Variants in PPL observed in about 807,000 individuals in gnomAD.
PPL encodes 190 kDa paraneoplastic pemphigus antigen.
In PPL, 198 loss-of-function variants were observed where a neutral mutation model predicts 194.4. The ratio of observed to expected loss-of-function variants is 1.02; its 90% CI spans 0.91 to 1.15. The LOEUF is 1.15. Among genes scored for constraint, PPL ranks in the 50% most tolerant of loss-of-function variants. PPL has a pLI of 0.00. For synonymous variants in PPL, 1,220 were observed against 972.4 expected, an observed-to-expected ratio of 1.25 and a Z score of -4.74; for missense variants, 2,885 against 2,294.8, an observed-to-expected ratio of 1.26 and a Z score of -5.25.
In PPL at chr16:4,884,131, C is replaced by G; in HGVS notation, c.4524G>C (p.Glu1508Asp). The G allele has an allele frequency of 6.2e-7, 1 of 1,613,590 alleles. No homozygotes were observed. The highest frequency in any genetic ancestry group is 8.5e-7 in the Non-Finnish European group (1 of 1,179,994). Residue 1508 changes from glutamate to aspartate, a missense_variant, in exon 22 of 22, where the codon GAG becomes GAC. Physicochemically the swap from Glu to Asp is conservative, Grantham distance 45. Coordinates refer to ENST00000345988, the MANE Select transcript of PPL (RefSeq NM_002705.5). This position sits in a 1 kb window ranked among gnomAD's most constrained non-coding sequence, Gnocchi z 5.7. ...GGATCTCTTGCTCGGTGTCGCCCTT[C>G]TCCACCTGGACACTCTCGGAGAGCA... ...KVVLSESVQV[E>D]KGDTEQEIQR...
At chr16:4,899,639 A>G (rs1020181557) in intron 6 of PPL, among the ~76,000 whole-genome samples, 2 of 152,138 alleles carry the variant, frequency 1.3e-5, no homozygotes, top group South Asian at 2.1e-4. Context: ...CATGCTGGAC[A>G]TGGCTCCAGA....
chr16:4,916,867 C>T (rs945198665), intron 1 of PPL, among the ~76,000 whole-genome samples: 1 of 152,058 alleles, frequency 6.6e-6, no homozygotes, highest in South Asian at 2.1e-4. Context: ...CGGTGACTCA[C>T]GCCTGCAATC....
chr16:4,918,910 G>A (rs563126651), intron 1 of PPL, among the ~76,000 whole-genome samples: 1 of 152,176 alleles, frequency 6.6e-6, no homozygotes, highest in Non-Finnish European at 1.5e-5. Context: ...GGCTGGTCCA[G>A]CTTTTCATCT....
At position 4,885,060 on chromosome 16, in the gene PPL, C is replaced by G. The variant is rs12446946; in HGVS notation, c.3595G>C (p.Glu1199Gln). ...ANLRLELVEQ[E>Q]RKYRGAEEQL... ...TCCTCGGCACCCCGGTACTTTCGCT[C>G]CTGCTCCACAAGCTCCAGGCGGAGG... The change falls in exon 22 of 22, where the codon GAG (glutamate) becomes CAG (glutamine). Residue 1199 changes from glutamate (E) to glutamine (Q), a missense_variant. Coordinates refer to ENST00000345988, the MANE Select transcript of PPL (RefSeq NM_002705.5). The surrounding 1 kb of genome is among the most constrained non-coding windows in gnomAD (Gnocchi z 6.3). 5,968 of 1,613,698 alleles carry G rather than the reference C, an allele frequency of 3.7e-3. 19 individuals are homozygous for G. The highest frequency in any genetic ancestry group is 4.6e-3 in the Admixed American group (276 of 60,026).
chr16:4,893,884 C>A, intron 12 of PPL: 1 of 560,678 alleles, frequency 1.8e-6, no homozygotes, highest in South Asian at 2.3e-5. Context: ...ATAATCACCA[C>A]CAAGATGTTA....
intron 9 of PPL, among the ~76,000 whole-genome samples, chr16:4,897,099 C>T (rs1469317495): frequency 1.3e-5 from 2 of 151,570 alleles, no homozygotes; most frequent in African/African-American, 4.8e-5. Flanking sequence ...CTTTAGGAGG[C>T]CGAGGCGGGA....
At position 4,928,191 on chromosome 16, in the gene PPL, G is replaced by A. The variant is rs1202149238; in HGVS notation, c.62+8793C>T. Among the ~76,000 whole-genome samples, 3 of 152,266 alleles carry A rather than the reference G, an allele frequency of 2.0e-5. No individual in the cohort carries two copies. The South Asian group carries it at 6.2e-4, about 31-fold the overall frequency. On this transcript the variant is annotated intron_variant, in intron 1 of 21. Coordinates refer to ENST00000345988, the MANE Select transcript of PPL (RefSeq NM_002705.5). ...AGAGTCTTGCTCTGTTATTCAGGCTGAAGTGCATTGCTGCACTTCACTCAC... is the reference window on the plus strand; with the variant it reads ...AGAGTCTTGCTCTGTTATTCAGGCTAAAGTGCATTGCTGCACTTCACTCAC...
At position 4,883,165 on chromosome 16, in the gene PPL, A is replaced by G. The variant is rs1468445586; in HGVS notation, c.*219T>C. The G allele has an allele frequency of 1.0e-5, 6 of 585,190 alleles. No homozygotes were observed. Among genetic ancestry groups the G allele is most frequent in the Non-Finnish European group, 1.8e-5 (6 of 334,938 alleles). The allele number at this position is 585,190 out of a possible 1,614,324, so 36.2% of individuals were successfully genotyped here. ...CAGTTGTCCAGTCATTGGAGGATGA[A>G]GTACGTCACTCAGGGTGAATGATGG... is the stretch of plus-strand genomic sequence containing the variant. On this transcript the variant is annotated 3_prime_UTR_variant, in exon 22 of 22. Coordinates refer to ENST00000345988, the MANE Select transcript of PPL (RefSeq NM_002705.5). The surrounding 1 kb of genome is among the most constrained non-coding windows in gnomAD (Gnocchi z 4.8).
intron 1 of PPL, among the ~76,000 whole-genome samples, chr16:4,922,011 G>A (rs916424026): frequency 1.3e-5 from 2 of 151,938 alleles, no homozygotes; most frequent in Non-Finnish European, 2.9e-5. Flanking sequence ...GGTGTCTCGG[G>A]GGACCCTCGC....
At chr16:4,927,161 A>G (rs1422303781) in intron 1 of PPL, among the ~76,000 whole-genome samples, 1 of 152,192 alleles carries the variant, frequency 6.6e-6, no homozygotes, top group Non-Finnish European at 1.5e-5. Context: ...GTGAGATTAC[A>G]AAACACACAC....
At chr16:4,888,929 G>T in intron 19 of PPL, 49 bp downstream of exon 19, 1 of 1,568,648 alleles carries the variant, frequency 6.4e-7, no homozygotes, top group Non-Finnish European at 8.8e-7. Context: ...GGGCACGGTG[G>T]AATAAGACCC....
At chr16:4,896,921 T>C (rs1460569196) in intron 9 of PPL, among the ~76,000 whole-genome samples, 1 of 151,948 alleles carries the variant, frequency 6.6e-6, no homozygotes, top group Non-Finnish European at 1.5e-5. Context: ...AGACATGAGC[T>C]ACCGTGCCCA....
intron 1 of PPL, among the ~76,000 whole-genome samples, chr16:4,915,487 C>T (rs925717049): frequency 6.6e-6 from 1 of 152,234 alleles, no homozygotes; most frequent in Non-Finnish European, 1.5e-5. Flanking sequence ...CATCCTTGCC[C>T]TAAGTCCCCG....
At chr16:4,934,211 C>T (rs577868622) in intron 1 of PPL, among the ~76,000 whole-genome samples, 15 of 152,248 alleles carry the variant, frequency 9.9e-5, no homozygotes, top group African/African-American at 2.9e-4. Flanking sequence ...ATTAGGAACC[C>T]GGGCAACGGG....
chr16:4,893,996 C>G (rs2142347351), intron 12 of PPL, among the ~76,000 whole-genome samples: 1 of 152,312 alleles, frequency 6.6e-6, no homozygotes, highest in Middle Eastern at 3.4e-3. Flanking sequence ...TGGGCACCTA[C>G]TTTGTACCAG....
At chr16:4,910,185 G>C (rs921383047) in intron 2 of PPL, among the ~76,000 whole-genome samples, 3 of 152,186 alleles carry the variant, frequency 2.0e-5, no homozygotes, top group Admixed American at 2.0e-4. Flanking sequence ...GGGAAACTGA[G>C]GCACAGATAG....
In PPL at chr16:4,883,058, T is replaced by C. The variant is rs2088129748; in HGVS notation, c.*326A>G. 3.1e-6 allele frequency: 1 copy of C among 319,180 alleles called. No homozygotes were observed. The highest frequency in any genetic ancestry group is 4.9e-5 in the Admixed American group (1 of 20,412). 19.8% of individuals were successfully genotyped at this position (319,180 alleles called of 1,614,324 possible). A position where few individuals can be genotyped will look rare whatever the true frequency, so the allele number is the denominator to read the frequency against. ...CTTGGCTGCTGTGGTTGGCTTGTCC[T>C]TCAGTGGTTTTCAGATTGTGTGCAG... is the stretch of plus-strand genomic sequence containing the variant. On this transcript the variant is annotated 3_prime_UTR_variant, in exon 22 of 22. Transcript: ENST00000345988. This position sits in a 1 kb window ranked among gnomAD's most constrained non-coding sequence, Gnocchi z 4.8.
rs1389387482 is a variant in PPL, at chr16:4,901,004, A to G, written c.524T>C (p.Val175Ala). 6.2e-7 allele frequency: 1 copy of G among 1,614,034 alleles called. No individual in the cohort carries two copies. The highest frequency in any genetic ancestry group is 1.7e-5 in the Admixed American group (1 of 60,026). Residue 175 changes from valine to alanine, a missense_variant, in exon 5 of 22, where the codon GTC (valine) becomes GCC (alanine). Val to Ala is a moderately conservative substitution (Grantham distance 64, BLOSUM62 0). Coordinates refer to ENST00000345988, the MANE Select transcript of PPL (RefSeq NM_002705.5). ...VEEHNIFHNEVKAIGPHLAKD... is the reference protein window; with the variant it reads ...VEEHNIFHNEAKAIGPHLAKD... ...GGCCAGGTGGGGCCCGATGGCCTTG[A>G]CCTCATTGTGGAAGATGTTATGCTC... is the stretch of plus-strand genomic sequence containing the variant.
rs2088509209 is a variant in PPL, at chr16:4,899,514, C to CAAGCCCAGCTATGGGTGGCCTGAGGAT, written c.607-131_607-130insATCCTCAGGCCACCCATAGCTGGGCTT. 36 of 1,086,836 alleles carry CAAGCCCAGCTATGGGTGGCCTGAGGAT rather than the reference C, an allele frequency of 3.3e-5. 1 individual carries two copies. Among genetic ancestry groups the CAAGCCCAGCTATGGGTGGCCTGAGGAT allele is most frequent in the Non-Finnish European group, 4.4e-5 (34 of 779,850 alleles). 67.3% of individuals were successfully genotyped at this position (1,086,836 alleles called of 1,614,324 possible). A position where few individuals can be genotyped will look rare whatever the true frequency, so the allele number is the denominator to read the frequency against. The stretch of plus-strand genomic sequence containing the variant: ...AGCCCAGCTATGGGTGGCCTGAGGA[C>CAAGCCCAGCTATGGGTGGCCTGAGGAT]AAGCCCAGCTTAGCCACGTCCAGGC... On this transcript the variant is annotated intron_variant, in intron 6 of 21. Transcript: ENST00000345988.
Sources: gnomAD v4.1 joint callset for allele counts (sites outside exome capture counted in the v4.1 genomes callset) on GRCh38, gnomAD v4.1.1 for gene constraint, Gnocchi (gnomAD v3.1) non-coding constraint, MANE v1.5 for transcripts, NCBI Gene and HGNC (gene_info 2026-07-23, HGNC 2026-07-21) for gene names.